The following RBFOX1 variants were observed in gnomAD, a reference collection of about 807,000 sequenced individuals.
RBFOX1 encodes RNA binding fox-1 homolog 1, also known as RNA binding protein fox-1 homolog 1.
Under a neutral mutation model 57.7 loss-of-function variants are expected in RBFOX1, and 8 were observed. That is an observed-to-expected ratio of 0.14 (90% CI 0.08 to 0.25). RBFOX1 has a LOEUF of 0.25. RBFOX1 is among the 10% of genes least tolerant of loss of function. The pLI, the probability that RBFOX1 is intolerant of heterozygous loss-of-function variation, is 1.00. For missense variants in RBFOX1, 611 were observed against 548.5 expected (o/e 1.11, Z -1.14); for synonymous variants, 326 against 222.4 (o/e 1.47, Z -4.15).
chr16:5,747,367 A>G (rs2053027555), intron 3 of RBFOX1, among the ~76,000 whole-genome samples: 1 of 152,160 alleles, frequency 6.6e-6, no homozygotes, highest in Non-Finnish European at 1.5e-5. Context: ...TGTCTCTGCC[A>G]GGCTTTGGTA....
chr16:6,941,561 G>T (rs771013478), intron 3 of RBFOX1, among the ~76,000 whole-genome samples: 1 of 151,856 alleles, frequency 6.6e-6, no homozygotes, highest in Non-Finnish European at 1.5e-5. Context: ...TCCACCAAGA[G>T]ACTTGAAATT....
chr16:5,977,749 T>C (rs1463367093), intron 4 of RBFOX1, among the ~76,000 whole-genome samples: 1 of 152,074 alleles, frequency 6.6e-6, no homozygotes, highest in Non-Finnish European at 1.5e-5. Flanking sequence ...GAAGGTCAGA[T>C]GTGGGGCAGG....
intron 2 of RBFOX1, among the ~76,000 whole-genome samples, chr16:6,560,056 T>A (rs527603723): frequency 1.3e-5 from 2 of 152,044 alleles, no homozygotes; most frequent in South Asian, 4.1e-4. Flanking sequence ...ATCCACACTT[T>A]CCCATTTCCC....
chr16:6,029,173 G>GTGA (rs1377502719), intron 1 of RBFOX1, among the ~76,000 whole-genome samples: 2 of 152,182 alleles, frequency 1.3e-5, no homozygotes, highest in African/African-American at 4.8e-5. Context: ...TTAGTGTGCT[G>GTGA]TGATTTGTGG....
intron 2 of RBFOX1, among the ~76,000 whole-genome samples, chr16:6,407,935 A>G (rs1334696560): frequency 1.3e-5 from 2 of 152,140 alleles, no homozygotes; most frequent in African/African-American, 4.8e-5. Flanking sequence ...TCAGCACAAT[A>G]GTATTAAGAG....
intron 5 of RBFOX1, among the ~76,000 whole-genome samples, chr16:7,577,248 C>G (rs1024546182): frequency 6.6e-6 from 1 of 152,150 alleles, no homozygotes; most frequent in Non-Finnish European, 1.5e-5. Flanking sequence ...TTAGGTGGCT[C>G]CTTATTGCTC....
chr16:6,933,583 A>T (rs993433312), intron 3 of RBFOX1, among the ~76,000 whole-genome samples: 2 of 152,288 alleles, frequency 1.3e-5, no homozygotes, highest in African/African-American at 4.8e-5. Context: ...TGTGGTGGCA[A>T]GCACCTGTCA....
intron 3 of RBFOX1, among the ~76,000 whole-genome samples, chr16:6,880,666 T>C (rs1424961428): frequency 6.6e-6 from 1 of 152,064 alleles, no homozygotes; most frequent in East Asian, 1.9e-4. Flanking sequence ...AGTAAAGAAA[T>C]CTAGATAAAA....
At chr16:6,802,635 C>T (rs574714092) in intron 3 of RBFOX1, among the ~76,000 whole-genome samples, 2 of 152,278 alleles carry the variant, frequency 1.3e-5, no homozygotes, top group Admixed American at 6.5e-5. Context: ...TGAGATTGTG[C>T]TACTGTACTC....
intron 2 of RBFOX1, among the ~76,000 whole-genome samples, chr16:6,374,481 C>T (rs1449019353): frequency 2.6e-5 from 4 of 151,942 alleles, no homozygotes; most frequent in Admixed American, 2.6e-4. Context: ...CTATTTTTGG[C>T]CATATATATG....
chr16:7,217,535 C>A (rs192574316), intron 4 of RBFOX1, among the ~76,000 whole-genome samples: 1 of 151,896 alleles, frequency 6.6e-6, no homozygotes, highest in African/African-American at 2.4e-5. Flanking sequence ...GACTTCCAAC[C>A]CCTCGTCCAT....
intron 3 of RBFOX1, among the ~76,000 whole-genome samples, chr16:6,827,519 C>A (rs2092303561): frequency 6.6e-6 from 1 of 152,152 alleles, no homozygotes; most frequent in Non-Finnish European, 1.5e-5. Context: ...TTTTCAAAGC[C>A]TGAGTGTGAC....
At chr16:7,010,572 C>G (rs547114606) in intron 3 of RBFOX1, among the ~76,000 whole-genome samples, 6 of 151,598 alleles carry the variant, frequency 4.0e-5, no homozygotes, top group Non-Finnish European at 8.8e-5. Flanking sequence ...TTTTTTGAGA[C>G]AGAGTTTTTC....
At chr16:7,506,536 G>A (rs755556163) in intron 4 of RBFOX1, among the ~76,000 whole-genome samples, 15 of 152,104 alleles carry the variant, frequency 9.9e-5, no homozygotes, top group African/African-American at 2.9e-4. Flanking sequence ...TCTTTTCCTC[G>A]TTACCAGACA....
At chr16:6,216,153 G>GA (rs1669087801) in intron 1 of RBFOX1, among the ~76,000 whole-genome samples, 1 of 152,130 alleles carries the variant, frequency 6.6e-6, no homozygotes, top group African/African-American at 2.4e-5. Flanking sequence ...GGAAGAGGGA[G>GA]AGCATCATGA....
intron 1 of RBFOX1, among the ~76,000 whole-genome samples, chr16:6,064,100 A>G (rs1037187314): frequency 9.9e-5 from 15 of 152,174 alleles, no homozygotes; most frequent in African/African-American, 3.6e-4. Context: ...TTTGGTCAGT[A>G]CTACCAATTA....
intron 4 of RBFOX1, among the ~76,000 whole-genome samples, chr16:7,134,286 AT>A (rs1301301737): frequency 6.6e-6 from 1 of 152,140 alleles, no homozygotes; most frequent in Non-Finnish European, 1.5e-5. Flanking sequence ...GGGATATGAC[AT>A]TTTGCTGTGA....
chr16:7,071,829 C>G (rs976731074), intron 4 of RBFOX1, among the ~76,000 whole-genome samples: 3 of 152,044 alleles, frequency 2.0e-5, no homozygotes, highest in Non-Finnish European at 4.4e-5. Flanking sequence ...CACACCTGCC[C>G]ATTAATCTGC....
chr16:7,013,562 G>A (rs1442295709), intron 3 of RBFOX1, among the ~76,000 whole-genome samples: 1 of 152,206 alleles, frequency 6.6e-6, no homozygotes, highest in Non-Finnish European at 1.5e-5. Context: ...CAGTGCTGAT[G>A]TTGAGAAACT....
Sources: allele counts gnomAD v4.1 joint callset (sites outside exome capture counted in the v4.1 genomes callset), GRCh38; gene constraint gnomAD v4.1.1; transcripts MANE v1.5; gene names NCBI Gene and HGNC (gene_info 2026-07-23, HGNC 2026-07-21).